DDX19B: variants seen among roughly 807,000 people sequenced by gnomAD.
DDX19B encodes the protein ATP-dependent RNA helicase DDX19B.
A neutral mutation model predicts 58.1 loss-of-function variants in DDX19B; 27 were observed. The observed-to-expected ratio is 0.46, with a 90% CI of 0.34 to 0.64. DDX19B has a LOEUF of 0.64. Ranked by LOEUF, DDX19B falls within the 30% of genes least tolerant of loss-of-function variation. The probability of loss-of-function intolerance (pLI) is 0.01; values close to 1 mark genes in which losing one functional copy is unlikely to be tolerated. For missense variants in DDX19B, 399 were observed against 596.5 expected (o/e 0.67, Z 3.45); for synonymous variants, 187 against 214.4 (o/e 0.87, Z 1.12).
intron 4 of DDX19B, 190 bp from the exon 5 acceptor site, chr16:70,317,306 G>A (rs546151682): frequency 7.0e-5 from 26 of 369,658 alleles, no homozygotes; most frequent in East Asian, 3.1e-4. Context: ...GCTTGAACCC[G>A]GAAGGTGGAT....
intron 4 of DDX19B, among the ~76,000 whole-genome samples, chr16:70,317,092 C>T (rs539287557): frequency 6.6e-6 from 1 of 151,320 alleles, no homozygotes; most frequent in East Asian, 1.9e-4. Flanking sequence ...CCTGTAGTAC[C>T]AGGTACTCAG....
At chr16:70,315,055 T>A in intron 3 of DDX19B, 100 bp downstream of exon 3, 1 of 1,258,606 alleles carries the variant, frequency 7.9e-7, no homozygotes, top group Non-Finnish European at 1.1e-6. Context: ...GGCTTGACTT[T>A]AATAGGCGAT....
intron 5 of DDX19B, among the ~76,000 whole-genome samples, chr16:70,324,246 C>T (rs1429622187): frequency 6.6e-6 from 1 of 151,400 alleles, no homozygotes; most frequent in Non-Finnish European, 1.5e-5. Context: ...ACCTATAATC[C>T]CAGCACTTTG....
chr16:70,328,177 T>C (rs1295615992), intron 7 of DDX19B, among the ~76,000 whole-genome samples: 2 of 151,380 alleles, frequency 1.3e-5, no homozygotes, highest in Admixed American at 6.6e-5. Flanking sequence ...TGTTAGAGGT[T>C]TGGTTGAGTT....
chr16:70,309,948 G>A (rs1235626968), intron 1 of DDX19B, among the ~76,000 whole-genome samples: 2 of 151,888 alleles, frequency 1.3e-5, no homozygotes, highest in Non-Finnish European at 2.9e-5. Flanking sequence ...GGACTTAGAG[G>A]GACAACAGAA....
At chr16:70,311,237 G>A (rs1486247654) in intron 1 of DDX19B, among the ~76,000 whole-genome samples, 6 of 151,492 alleles carry the variant, frequency 4.0e-5, no homozygotes, top group African/African-American at 1.5e-4. Context: ...AAAATTAGCC[G>A]GGCGTGGTGG....
At chr16:70,292,963 G>C (rs1010697592), upstream of DDX19B, among the ~76,000 whole-genome samples, 1 of 151,958 alleles carries the variant, frequency 6.6e-6, no homozygotes, top group Non-Finnish European at 1.5e-5. Flanking sequence ...AAAATTATCT[G>C]GGTGTGGTGG....
chr16:70,329,469 G>A lies in DDX19B; in HGVS notation c.785G>A (p.Arg262Lys), dbSNP rs369244897. Reference sequence around the variant, plus strand: ...CAAGATCAGAGCATCCGCATCCAGAGGTAGGGATCTCGAGGGTGGGGGACT... The same window carrying A: ...CAAGATCAGAGCATCCGCATCCAGAAGTAGGGATCTCGAGGGTGGGGGACT... ...GHQDQSIRIQ[R>K]MLPRNCQMLL... The change falls in exon 8 of 12, where the codon AGG becomes AAG. Residue 262 changes from arginine to lysine, a missense_variant and splice_region_variant. This residue lies in a region of DDX19B where 198 missense variants were observed against 345.9 expected (regional missense o/e 0.57). Coordinates refer to ENST00000288071, the MANE Select transcript of DDX19B (RefSeq NM_007242.7). 3 of 1,613,754 alleles carry A rather than the reference G, an allele frequency of 1.9e-6. No individual in the cohort carries two copies. The African/African-American group carries it at 4.0e-5, about 22-fold the overall frequency.
chr16:70,332,553 G>A (rs1023344124), intron 10 of DDX19B, among the ~76,000 whole-genome samples: 2 of 152,012 alleles, frequency 1.3e-5, no homozygotes, highest in African/African-American at 2.4e-5. Flanking sequence ...TGCCTGCCTC[G>A]GCCTCCCAAA....
chr16:70,292,721 A>C (rs889603014), upstream of DDX19B, among the ~76,000 whole-genome samples: 1 of 152,206 alleles, frequency 6.6e-6, no homozygotes, highest in Admixed American at 6.5e-5. Flanking sequence ...ACATTTGTTG[A>C]ACTCCATCTT....
At chr16:70,301,676 CTCTT>C (rs1252861808) in intron 1 of DDX19B, among the ~76,000 whole-genome samples, 6 of 150,162 alleles carry the variant, frequency 4.0e-5, no homozygotes, top group African/African-American at 9.8e-5. Flanking sequence ...CTCACTTTCT[CTCTT>C]TCTTTCTCTC....
At position 70,317,601 on chromosome 16, in the gene DDX19B, T is replaced by G; in HGVS notation, c.389+13T>G. 6.3e-7 allele frequency: 1 copy of G among 1,592,518 alleles called. No individual in the cohort carries two copies. The highest frequency in any genetic ancestry group is 2.2e-5 in the East Asian group (1 of 44,690). On this transcript the variant is annotated intron_variant, in intron 5 of 11. Transcript: ENST00000288071. ...TGCTTGCTGAGCCGTATGTGTCCTA[T>G]TACAACTCCATTTCATTTTAGATTT...
At chr16:70,294,739 C>T, upstream of DDX19B, 1 of 929,760 alleles carries the variant, frequency 1.1e-6, no homozygotes, top group Non-Finnish European at 1.5e-6. Flanking sequence ...GTACCGTCCC[C>T]TCAGCTGATT....
chr16:70,299,985 C>G (rs928290566), intron 1 of DDX19B, among the ~76,000 whole-genome samples: 5 of 152,224 alleles, frequency 3.3e-5, no homozygotes, highest in Admixed American at 2.6e-4. Context: ...GTGTTAAACA[C>G]TACTGCGTAG....
At chr16:70,299,104 C>T, upstream of DDX19B, 1 of 1,324,082 alleles carries the variant, frequency 7.6e-7, no homozygotes, top group South Asian at 2.1e-5. Context: ...CTGAGGGCAA[C>T]AGAATCGACA....
intron 9 of DDX19B, among the ~76,000 whole-genome samples, chr16:70,330,604 A>T (rs1468820705): frequency 2.6e-5 from 4 of 152,106 alleles, no homozygotes; most frequent in African/African-American, 9.7e-5. Flanking sequence ...AAAAACAAAC[A>T]AACAAACAAA....
At chr16:70,318,573 C>CAAGCTCCGGAGAT (rs1962572806) in intron 5 of DDX19B, among the ~76,000 whole-genome samples, 2 of 151,626 alleles carry the variant, frequency 1.3e-5, no homozygotes. Context: ...AGGTGGATCA[C>CAAGCTCCGGAGAT]CTGACGTCAG....
chr16:70,304,317 CGT>C (rs1046376393), intron 1 of DDX19B, among the ~76,000 whole-genome samples: 3 of 149,782 alleles, frequency 2.0e-5, no homozygotes, highest in African/African-American at 7.4e-5. Context: ...TGATTACAGG[CGT>C]GAGCCACCGT....
chr16:70,303,475 A>G (rs917544303), intron 1 of DDX19B, among the ~76,000 whole-genome samples: 1 of 152,174 alleles, frequency 6.6e-6, no homozygotes, highest in African/African-American at 2.4e-5. Context: ...ATATTCTCTC[A>G]AACTACAACT....
Sources: allele counts gnomAD v4.1 joint callset (sites outside exome capture counted in the v4.1 genomes callset), GRCh38; gene constraint gnomAD v4.1.1; regional missense constraint gnomAD v4.1.1; transcripts MANE v1.5; gene names NCBI Gene and HGNC (gene_info 2026-07-23, HGNC 2026-07-21).